The following KHDRBS3 variants were observed in gnomAD, a reference collection of about 807,000 sequenced individuals.
KHDRBS3 encodes KH RNA binding domain containing, signal transduction associated 3.
A neutral mutation model predicts 45.6 loss-of-function variants in KHDRBS3; 23 were observed. The observed-to-expected ratio is 0.50, with a 90% CI of 0.36 to 0.72. KHDRBS3 has a LOEUF of 0.72. Among genes scored for constraint, KHDRBS3 ranks in the 30% least tolerant of loss-of-function variants. The pLI is 0.00. For missense variants in KHDRBS3, 352 were observed against 424.8 expected (o/e 0.83, Z 1.51); for synonymous variants, 162 against 156.5 (o/e 1.04, Z -0.26).
intron 7 of KHDRBS3, among the ~76,000 whole-genome samples, chr8:135,614,467 A>C (rs1448211632): frequency 6.6e-6 from 1 of 151,888 alleles, no homozygotes; most frequent in Non-Finnish European, 1.5e-5. Context: ...TAATATTTTT[A>C]GTCTATGTTT....
chr8:135,493,383 A>G (rs892949334), intron 1 of KHDRBS3, among the ~76,000 whole-genome samples: 4 of 152,106 alleles, frequency 2.6e-5, no homozygotes, highest in Non-Finnish European at 5.9e-5. Context: ...TTCTGATCAT[A>G]GGGAAAAATC....
intron 6 of KHDRBS3, among the ~76,000 whole-genome samples, chr8:135,592,177 T>C (rs905473800): frequency 6.6e-6 from 1 of 152,180 alleles, no homozygotes; most frequent in African/African-American, 2.4e-5. Flanking sequence ...GGTTGACTTA[T>C]TTTAGGAATG....
At chr8:135,503,237 A>G (rs1045957031) in intron 1 of KHDRBS3, among the ~76,000 whole-genome samples, 2 of 152,242 alleles carry the variant, frequency 1.3e-5, no homozygotes, top group Non-Finnish European at 2.9e-5. Flanking sequence ...AGGTTATTCC[A>G]GAAGTACATT....
chr8:135,495,959 C>G (rs1273043150), intron 1 of KHDRBS3, among the ~76,000 whole-genome samples: 2 of 151,766 alleles, frequency 1.3e-5, no homozygotes, highest in East Asian at 3.9e-4. Context: ...GTAGTTTAAG[C>G]AAGTAAATAT....
chr8:135,461,460 A>G (rs1446749104), intron 1 of KHDRBS3, among the ~76,000 whole-genome samples: 3 of 152,320 alleles, frequency 2.0e-5, no homozygotes, highest in South Asian at 4.1e-4. Context: ...GTTAAAAGTC[A>G]GTCAAAGAAA....
At chr8:135,517,578 AT>A (rs1824677136) in intron 1 of KHDRBS3, among the ~76,000 whole-genome samples, 1 of 152,206 alleles carries the variant, frequency 6.6e-6, no homozygotes, top group Non-Finnish European at 1.5e-5. Context: ...TATAATGCTC[AT>A]TCAAGTAGAA....
chr8:135,568,556 GGAGTTAAGA>G (rs2130875756), intron 5 of KHDRBS3, among the ~76,000 whole-genome samples: 1 of 152,240 alleles, frequency 6.6e-6, no homozygotes, highest in South Asian at 2.1e-4. Flanking sequence ...AGGCTGCCAG[GGAGTTAAGA>G]GTGTTTATAA....
intron 7 of KHDRBS3, among the ~76,000 whole-genome samples, chr8:135,639,826 T>C (rs1830983822): frequency 6.6e-6 from 1 of 152,096 alleles, no homozygotes; most frequent in South Asian, 2.1e-4. Flanking sequence ...ACCGAGGGGA[T>C]GTTGCTAAAC....
At chr8:135,628,170 C>T (rs1163773524) in intron 7 of KHDRBS3, among the ~76,000 whole-genome samples, 1 of 151,962 alleles carries the variant, frequency 6.6e-6, no homozygotes, top group East Asian at 1.9e-4. Context: ...AGGTATCCCA[C>T]CTCTGAGTTC....
At chr8:135,458,096 C>A in intron 1 of KHDRBS3, 142 bp downstream of exon 1, 1 of 1,392,234 alleles carries the variant, frequency 7.2e-7, no homozygotes, top group Non-Finnish European at 9.3e-7. Flanking sequence ...GGGTCGTTTG[C>A]ACGGGGACCT....
intron 2 of KHDRBS3, chr8:135,539,738 G>C (rs1825952642): frequency 6.6e-6 from 1 of 152,194 alleles, no homozygotes; most frequent in African/African-American, 2.4e-5. Flanking sequence ...GAAGTAACTT[G>C]ACTAGGGAGA....
At chr8:135,469,860 A>C (rs888118151) in intron 1 of KHDRBS3, among the ~76,000 whole-genome samples, 1 of 152,218 alleles carries the variant, frequency 6.6e-6, no homozygotes, top group African/African-American at 2.4e-5. Context: ...AGAGACTGCC[A>C]TCAAGGTGAT....
chr8:135,605,121 G>A (rs1437877140), intron 6 of KHDRBS3, among the ~76,000 whole-genome samples: 2 of 151,986 alleles, frequency 1.3e-5, no homozygotes, highest in Non-Finnish European at 2.9e-5. Flanking sequence ...GAGTCTCTGA[G>A]TTTATCCTTT....
chr8:135,610,745 C>T (rs980553419), intron 7 of KHDRBS3, among the ~76,000 whole-genome samples: 1 of 151,706 alleles, frequency 6.6e-6, no homozygotes, highest in African/African-American at 2.4e-5. Context: ...AAGAGCAGTT[C>T]ACAGAGTAAG....
intron 2 of KHDRBS3, among the ~76,000 whole-genome samples, chr8:135,534,674 A>T (rs1202897097): frequency 6.6e-6 from 1 of 152,096 alleles, no homozygotes; most frequent in Non-Finnish European, 1.5e-5. Flanking sequence ...TAGTGTATAT[A>T]TTGTGCTCTG....
chr8:135,578,768 AT>A (rs1828065742), intron 5 of KHDRBS3, among the ~76,000 whole-genome samples: 1 of 152,040 alleles, frequency 6.6e-6, no homozygotes, highest in Non-Finnish European at 1.5e-5. Context: ...ACTTGCTGAG[AT>A]TTTGATTAGG....
chr8:135,494,143 G>A (rs897058251), intron 1 of KHDRBS3, among the ~76,000 whole-genome samples: 2 of 151,678 alleles, frequency 1.3e-5, no homozygotes, highest in East Asian at 3.9e-4. Context: ...TAATCAGTCT[G>A]GCCAGAGGCT....
At chr8:135,545,309 C>G (rs149496933) in intron 3 of KHDRBS3, among the ~76,000 whole-genome samples, 1 of 152,104 alleles carries the variant, frequency 6.6e-6, no homozygotes, top group Admixed American at 6.6e-5. Flanking sequence ...TGTCATCTCC[C>G]TTCAAGGAAC....
chr8:135,610,775 A>G (rs925990535), intron 7 of KHDRBS3, among the ~76,000 whole-genome samples: 4 of 151,766 alleles, frequency 2.6e-5, no homozygotes, highest in Non-Finnish European at 5.9e-5. Context: ...TCACAGAGGC[A>G]TGAAACAGGG....
Sources: gnomAD v4.1 joint callset for allele counts (sites outside exome capture counted in the v4.1 genomes callset) on GRCh38, gnomAD v4.1.1 for gene constraint, MANE v1.5 for transcripts, NCBI Gene and HGNC (gene_info 2026-07-23, HGNC 2026-07-21) for gene names.